KCNQ5: variants seen among roughly 807,000 people sequenced by gnomAD.
KCNQ5 encodes potassium voltage-gated channel subfamily Q member 5.
Under a neutral mutation model 98.2 loss-of-function variants are expected in KCNQ5, and 30 were observed. The ratio of observed to expected loss-of-function variants is 0.31; its 90% CI spans 0.23 to 0.41. KCNQ5 has a LOEUF of 0.41. Ranked by LOEUF, KCNQ5 falls within the 10% of genes least tolerant of loss-of-function variation. The probability of loss-of-function intolerance (pLI) is 1.00; values close to 1 mark genes in which losing one functional copy is unlikely to be tolerated. For missense variants in KCNQ5, 835 were observed against 1,182.5 expected (o/e 0.71, Z 4.31); for synonymous variants, 458 against 449.4 (o/e 1.02, Z -0.24).
At chr6:72,748,918 G>A (rs1018463087) in intron 1 of KCNQ5, among the ~76,000 whole-genome samples, 6 of 152,114 alleles carry the variant, frequency 3.9e-5, no homozygotes, top group African/African-American at 1.4e-4. Context: ...ACACATGAAT[G>A]TGTTTCATTC....
At chr6:73,038,293 G>T (rs1383281482) in intron 2 of KCNQ5, among the ~76,000 whole-genome samples, 2 of 152,040 alleles carry the variant, frequency 1.3e-5, no homozygotes, top group Non-Finnish European at 2.9e-5. Context: ...TTTTTCTGTA[G>T]ACCATCATGC....
chr6:72,892,466 C>T (rs753542281), intron 1 of KCNQ5, among the ~76,000 whole-genome samples: 1 of 152,202 alleles, frequency 6.6e-6, no homozygotes, highest in Non-Finnish European at 1.5e-5. Flanking sequence ...CCAGATCCCT[C>T]TAGCAAACTA....
At chr6:73,149,715 T>G (rs1449568323) in intron 10 of KCNQ5, among the ~76,000 whole-genome samples, 2 of 151,348 alleles carry the variant, frequency 1.3e-5, no homozygotes, top group African/African-American at 2.4e-5. Flanking sequence ...AAGAATCGTT[T>G]GAACCTGGCA....
rs146683550 is a variant in KCNQ5, at chr6:73,031,740, G to A, written c.490-10196G>A. On this transcript the variant is annotated intron_variant, in intron 2 of 13. Coordinates refer to ENST00000370398, the MANE Select transcript of KCNQ5 (RefSeq NM_019842.4). ...TATATCCTGCATGTTTATGGTATTCGGTAGACATTTATAAAATGAATTCAT... is the reference window on the plus strand; with the variant it reads ...TATATCCTGCATGTTTATGGTATTCAGTAGACATTTATAAAATGAATTCAT... Among the ~76,000 whole-genome samples, 503 of 152,232 alleles carry A rather than the reference G, an allele frequency of 3.3e-3. 2 individuals are homozygous for A. The highest frequency in any genetic ancestry group is 6.1e-3 in the Non-Finnish European group (418 of 68,006).
At chr6:73,105,956 A>G (rs2051022) in intron 6 of KCNQ5, among the ~76,000 whole-genome samples, 144,612 of 152,300 alleles carry the variant, frequency 0.95, 68,670 homozygotes, top group South Asian at 0.98. Flanking sequence ...CCTTTCTCAT[A>G]CTTTTATTCT....
intron 2 of KCNQ5, among the ~76,000 whole-genome samples, chr6:73,021,613 G>T (rs1770609742): frequency 6.6e-6 from 1 of 152,140 alleles, no homozygotes; most frequent in Non-Finnish European, 1.5e-5. Flanking sequence ...TGGAGCAAAA[G>T]AGATGCAAGA....
At chr6:72,674,542 A>G (rs1344362965) in intron 1 of KCNQ5, among the ~76,000 whole-genome samples, 1 of 152,166 alleles carries the variant, frequency 6.6e-6, no homozygotes, top group African/African-American at 2.4e-5. Flanking sequence ...AGGCCGAGGC[A>G]GGCAGATCAC....
intron 1 of KCNQ5, among the ~76,000 whole-genome samples, chr6:72,856,445 TACAC>T (rs759343724): frequency 1.3e-3 from 173 of 129,816 alleles, no homozygotes; most frequent in Admixed American, 8.9e-4. Context: ...TATGTATACA[TACAC>T]ACACACACAC....
chr6:72,747,723 C>A (rs1771475259), intron 1 of KCNQ5, among the ~76,000 whole-genome samples: 1 of 152,106 alleles, frequency 6.6e-6, no homozygotes, highest in South Asian at 2.1e-4. Context: ...TATGAATTGC[C>A]ATTGTCCATA....
intron 1 of KCNQ5, among the ~76,000 whole-genome samples, chr6:72,734,000 A>AG (rs76788229): frequency 0.37 from 56,786 of 152,104 alleles, 14,084 homozygotes; most frequent in African/African-American, 0.67. Context: ...AGGGAGGATA[A>AG]GGGACAAGGA....
chr6:72,875,711 G>A (rs1778379678), intron 1 of KCNQ5, among the ~76,000 whole-genome samples: 1 of 151,848 alleles, frequency 6.6e-6, no homozygotes, highest in South Asian at 2.1e-4. Flanking sequence ...GGTCCCTTGG[G>A]TTCTTCATGT....
chr6:72,808,700 C>T (rs867458255), intron 1 of KCNQ5, among the ~76,000 whole-genome samples: 23 of 152,170 alleles, frequency 1.5e-4, no homozygotes, highest in Admixed American at 6.5e-4. Flanking sequence ...ATAATCCTAG[C>T]ACTTGGGAGG....
At chr6:72,748,912 A>G (rs1250829366) in intron 1 of KCNQ5, among the ~76,000 whole-genome samples, 3 of 152,170 alleles carry the variant, frequency 2.0e-5, no homozygotes, top group African/African-American at 7.2e-5. Context: ...ACGTTCACAC[A>G]TGAATGTGTT....
At chr6:73,185,940 A>G (rs534975449) in intron 11 of KCNQ5, among the ~76,000 whole-genome samples, 2 of 152,258 alleles carry the variant, frequency 1.3e-5, no homozygotes, top group Admixed American at 6.5e-5. Context: ...AAAAATATCT[A>G]TGGGCCAAGT....
At chr6:72,897,334 A>G (rs1490547357) in intron 1 of KCNQ5, among the ~76,000 whole-genome samples, 3 of 152,170 alleles carry the variant, frequency 2.0e-5, no homozygotes, top group African/African-American at 7.2e-5. Context: ...TGAGGTCAGG[A>G]GTTTGAGACC....
intron 1 of KCNQ5, among the ~76,000 whole-genome samples, chr6:72,962,315 A>G (rs1304170448): frequency 1.3e-5 from 2 of 149,856 alleles, no homozygotes; most frequent in African/African-American, 4.9e-5. Flanking sequence ...AAAGGCATAC[A>G]GAGTGATAAA....
intron 2 of KCNQ5, among the ~76,000 whole-genome samples, 168 bp from the exon 3 acceptor site, chr6:73,041,768 G>T (rs536545845): frequency 6.6e-6 from 1 of 152,262 alleles, no homozygotes; most frequent in African/African-American, 2.4e-5. Context: ...AGGTTCAAAT[G>T]CTGTCCAGAT....
rs1321711882 is a variant in KCNQ5, at chr6:72,629,204, C to T, written c.398+6617C>T. Among the ~76,000 whole-genome samples, 8 of 152,236 alleles carry T rather than the reference C, an allele frequency of 5.3e-5. No homozygotes were observed. In the South Asian group the frequency reaches 6.2e-4, roughly 12 times the overall value. ...TTCTATGTGTCAGACTCAATTAGAC[C>T]TAATGAATTACTTTACTACCTACAT... On this transcript the variant is annotated intron_variant, in intron 1 of 13. Coordinates refer to ENST00000370398, the MANE Select transcript of KCNQ5 (RefSeq NM_019842.4).
rs1342344776 is a variant in KCNQ5, at chr6:73,191,566, CTT to C, written c.1709+863_1709+864del. Among the ~76,000 whole-genome samples the C allele has an allele frequency of 2.6e-5, 4 of 152,254 alleles. No individual in the cohort carries two copies. The East Asian group carries it at 7.7e-4, about 29-fold the overall frequency. On this transcript the variant is annotated intron_variant, in intron 12 of 13. Transcript: ENST00000370398. ...AGTGCCCAAAATGCAAGGACTGAGA[CTT>C]GAACTTTTTTTTATGCCCCCCAGCA...
Sources: gnomAD v4.1 joint callset for allele counts (sites outside exome capture counted in the v4.1 genomes callset) on GRCh38, gnomAD v4.1.1 for gene constraint, MANE v1.5 for transcripts, NCBI Gene and HGNC (gene_info 2026-07-23, HGNC 2026-07-21) for gene names.